TGFBR3: variants seen among roughly 807,000 people sequenced by gnomAD.
TGFBR3 encodes transforming growth factor beta receptor 3, also known as transforming growth factor beta receptor type 3.
TGFBR3 carries 46 observed loss-of-function variants against 87.9 expected under a neutral mutation model. The observed-to-expected ratio is 0.52, with a 90% CI of 0.41 to 0.67. The LOEUF (loss-of-function observed/expected upper bound fraction) is 0.67. TGFBR3 is among the 30% of genes least tolerant of loss of function. The pLI, the probability that TGFBR3 is intolerant of heterozygous loss-of-function variation, is 0.00. For synonymous variants in TGFBR3, 381 were observed against 391.6 expected (o/e 0.97, Z 0.32); for missense variants, 866 against 1,041.9 (o/e 0.83, Z 2.32).
At chr1:91,855,615 C>A (rs896343298) in intron 2 of TGFBR3, among the ~76,000 whole-genome samples, 1 of 152,072 alleles carries the variant, frequency 6.6e-6, no homozygotes, top group East Asian at 1.9e-4. Flanking sequence ...AAGAAAAGCA[C>A]AATTATCACA....
intron 14 of TGFBR3, among the ~76,000 whole-genome samples, chr1:91,699,465 C>T (rs1278372515): frequency 3.4e-4 from 34 of 99,676 alleles, no homozygotes; most frequent in Non-Finnish European, 3.0e-4. Flanking sequence ...GCTGTGAGGG[C>T]AAGGTCTAGT....
chr1:91,856,512 G>A (rs1297565970), intron 2 of TGFBR3, among the ~76,000 whole-genome samples: 1 of 152,050 alleles, frequency 6.6e-6, no homozygotes. Flanking sequence ...AACCTATGGA[G>A]CTGGAACAAG....
rs2100950338 is a variant in TGFBR3 at position 91,776,908 on chromosome 1, T to C, written c.247-18158A>G. Among the ~76,000 whole-genome samples, 2 of 152,298 alleles carry C rather than the reference T, an allele frequency of 1.3e-5. 1 individual carries two copies. Among genetic ancestry groups the C allele is most frequent in the South Asian group, 4.1e-4 (2 of 4,834 alleles). On this transcript the variant is annotated intron_variant, in intron 3 of 16. Transcript: ENST00000212355. ...CCACTAACCTGGACAAGCTCAGGTTTTGCTCCCCAAATCTCACCGTAGTTC... is the reference window on the plus strand; with the variant it reads ...CCACTAACCTGGACAAGCTCAGGTTCTGCTCCCCAAATCTCACCGTAGTTC...
intron 3 of TGFBR3, among the ~76,000 whole-genome samples, chr1:91,776,897 A>C (rs555787876): frequency 1.6e-4 from 25 of 152,324 alleles, no homozygotes; most frequent in African/African-American, 6.0e-4. Context: ...TAACCTGGAC[A>C]AGCTCAGGTT....
intron 14 of TGFBR3, among the ~76,000 whole-genome samples, chr1:91,698,620 A>G (rs11165279): frequency 0.15 from 22,054 of 143,970 alleles, 1,792 homozygotes; most frequent in Non-Finnish European, 0.19. Flanking sequence ...CTTCCATTTT[A>G]GCCTCCCGAG....
chr1:91,874,772 C>T (rs1390245317), intron 1 of TGFBR3, among the ~76,000 whole-genome samples: 1 of 152,052 alleles, frequency 6.6e-6, no homozygotes, highest in Non-Finnish European at 1.5e-5. Flanking sequence ...GGATTACAGG[C>T]GTGAGCCACT....
chr1:91,755,411 C>G (rs920763811), intron 4 of TGFBR3, among the ~76,000 whole-genome samples: 2 of 152,100 alleles, frequency 1.3e-5, no homozygotes, highest in African/African-American at 4.8e-5. Context: ...GATGTTCCAT[C>G]GTCTCTTCCA....
chr1:91,893,754 G>T (rs139397050), intron 2 of TGFBR3, among the ~76,000 whole-genome samples: 1,673 of 151,248 alleles, frequency 0.011, 40 homozygotes, highest in African/African-American at 0.038. Flanking sequence ...GACATTATTT[G>T]CTTATAGTCC....
intron 2 of TGFBR3, among the ~76,000 whole-genome samples, chr1:91,820,578 C>A (rs1013836129): frequency 7.2e-5 from 11 of 152,048 alleles, no homozygotes; most frequent in Middle Eastern, 3.4e-3. Flanking sequence ...CCCAGCTACT[C>A]GGGAGGCTGA....
intron 2 of TGFBR3, among the ~76,000 whole-genome samples, chr1:91,835,138 G>A (rs559526473): frequency 6.6e-6 from 1 of 152,348 alleles, no homozygotes; most frequent in South Asian, 2.1e-4. Flanking sequence ...TGAGGCAAAA[G>A]TGTTCCCAAC....
At chr1:91,698,513 CTTTTTTTTTTT>C (rs35919369) in intron 14 of TGFBR3, among the ~76,000 whole-genome samples, 2 of 120,736 alleles carry the variant, frequency 1.7e-5, no homozygotes, top group African/African-American at 6.2e-5. Context: ...TCAAAATATT[CTTTTTTTTTTT>C]TTTTTTTTGA....
intron 1 of TGFBR3, among the ~76,000 whole-genome samples, chr1:91,881,963 T>C (rs920596748): frequency 4.0e-5 from 6 of 151,528 alleles, no homozygotes; most frequent in Non-Finnish European, 8.8e-5. Context: ...CTCTTGAACC[T>C]GGGAGGCGGA....
At chr1:91,799,809 C>T (rs1557716955) in intron 2 of TGFBR3, among the ~76,000 whole-genome samples, 2 of 152,106 alleles carry the variant, frequency 1.3e-5, no homozygotes, top group African/African-American at 4.8e-5. Flanking sequence ...CTGCTCACCT[C>T]CACACTGGGG....
In TGFBR3 at chr1:91,859,491, C is replaced by T. The variant is rs371854214; in HGVS notation, c.61+1980G>A. Among the ~76,000 whole-genome samples, 8 of 151,950 alleles carry T rather than the reference C, an allele frequency of 5.3e-5. No individual in the cohort carries two copies. In the East Asian group the frequency reaches 1.2e-3, roughly 22 times the overall value. Reference sequence around the variant, plus strand: ...ATTTTAAGTCAATTCCATTTTAATACACAGGCTAAAAGGCAAATAGCACTT... The same window carrying T: ...ATTTTAAGTCAATTCCATTTTAATATACAGGCTAAAAGGCAAATAGCACTT... On this transcript the variant is annotated intron_variant, in intron 2 of 16. Transcript: ENST00000212355.
chr1:91,742,287 C>A (rs1673184639), intron 4 of TGFBR3, among the ~76,000 whole-genome samples: 1 of 152,204 alleles, frequency 6.6e-6, no homozygotes, highest in Non-Finnish European at 1.5e-5. Context: ...CAAAGAGCAA[C>A]ACCTCGAGGG....
chr1:91,851,274 A>C (rs1173272274), intron 2 of TGFBR3, among the ~76,000 whole-genome samples: 2 of 152,138 alleles, frequency 1.3e-5, no homozygotes, highest in African/African-American at 4.8e-5. Flanking sequence ...CTAGAATTCC[A>C]CCTGATTGAC....
In TGFBR3 at chr1:91,720,007, T is replaced by C. The variant is rs1323887925; in HGVS notation, c.1299A>G (p.Gln433=). Residue 433 remains glutamine (Q), a synonymous_variant, in exon 9 of 17, where the codon CAA becomes CAG. Transcript: ENST00000212355. ...CTGGCTCTCTGAGACCAGGAAACAG[T>C]TGTATGCTGGGAATGACAGGGTCCT... ...RPKDPVIPSI[Q]LFPGLREPEE... The C allele has an allele frequency of 1.9e-6, 3 of 1,614,020 alleles. No individual in the cohort carries two copies. The South Asian group carries it at 3.3e-5, about 18-fold the overall frequency.
At chr1:91,741,455 G>A (rs1370719821) in intron 4 of TGFBR3, among the ~76,000 whole-genome samples, 2 of 152,088 alleles carry the variant, frequency 1.3e-5, no homozygotes, top group Non-Finnish European at 2.9e-5. Flanking sequence ...CCACAGATCA[G>A]GGATTTCTAG....
chr1:91,902,292 T>TGTGC (rs1679739325), intron 1 of TGFBR3, among the ~76,000 whole-genome samples: 1 of 151,468 alleles, frequency 6.6e-6, no homozygotes, highest in Non-Finnish European at 1.5e-5. Context: ...TGTGTGTGTG[T>TGTGC]GTGTGTGACA....
Sources: gnomAD v4.1 joint callset for allele counts (sites outside exome capture counted in the v4.1 genomes callset) on GRCh38, gnomAD v4.1.1 for gene constraint, MANE v1.5 for transcripts, NCBI Gene and HGNC (gene_info 2026-07-23, HGNC 2026-07-21) for gene names.